Variants in FLNC observed in about 807,000 individuals in gnomAD.
FLNC encodes filamin-C.
FLNC carries 91 observed loss-of-function variants against 254.3 expected under a neutral mutation model. The observed-to-expected ratio is 0.36, with a 90% CI of 0.30 to 0.43. FLNC has a LOEUF of 0.43. Ranked by LOEUF, FLNC falls within the 20% of genes least tolerant of loss-of-function variation. FLNC has a pLI of 1.00. For synonymous variants in FLNC, 1,430 were observed against 1,577.2 expected, an observed-to-expected ratio of 0.91 and a Z score of 2.21; for missense variants, 2,853 against 3,802.6, an observed-to-expected ratio of 0.75 and a Z score of 6.57.
rs756083833 is a variant in FLNC at position 128,854,609 on chromosome 7, G to A, written c.6924G>A (p.Pro2308=). 6 of 1,611,330 alleles carry A rather than the reference G, an allele frequency of 3.7e-6. No individual in the cohort carries two copies. Among genetic ancestry groups the A allele is most frequent in the African/African-American group, 1.3e-5 (1 of 74,930 alleles). Residue 2308 remains proline, a synonymous_variant, in exon 41 of 48, where the codon CCG becomes CCA. Transcript: ENST00000325888. ...PGSPFQFTVG[P]LGEGGAHKVR... ...GCCCCTTTCAGTTCACTGTGGGGCC[G>A]CTGGGTGAAGGTGGTGCCCACAAGG...
In FLNC at chr7:128,837,999, C is replaced by G; in HGVS notation, c.982C>G (p.Pro328Ala). The G allele has an allele frequency of 6.2e-7, 1 of 1,613,898 alleles. No homozygotes were observed. The highest frequency in any genetic ancestry group is 8.5e-7 in the Non-Finnish European group (1 of 1,179,854). ...EGHTEEAKVV[P>A]NNDKDRTYAV... ...TCCTTCCTAATAGGCTAAGGTGGTT[C>G]CCAACAATGACAAGGATCGCACCTA... Residue 328 changes from proline (P) to alanine (A), a missense_variant, in exon 6 of 48, where the codon CCC (proline) becomes GCC (alanine). By Grantham distance (27) the Pro-to-Ala change is conservative (BLOSUM62 -1). Coordinates refer to ENST00000325888, the MANE Select transcript of FLNC (RefSeq NM_001458.5).
At chr7:128,852,069 T>A (rs1808842182) in intron 35 of FLNC, among the ~76,000 whole-genome samples, 1 of 152,164 alleles carries the variant, frequency 6.6e-6, no homozygotes, top group Non-Finnish European at 1.5e-5. Flanking sequence ...TTTCACCGTG[T>A]TAGCCAGGAT....
chr7:128,839,341 A>G (rs1022402175), intron 8 of FLNC, among the ~76,000 whole-genome samples: 5 of 152,024 alleles, frequency 3.3e-5, no homozygotes, highest in Admixed American at 2.6e-4. Flanking sequence ...GGTGATTTCT[A>G]TGATGAAATC....
At chr7:128,834,310 C>A in intron 1 of FLNC, among the ~76,000 whole-genome samples, 2 of 134,000 alleles carry the variant, frequency 1.5e-5, no homozygotes, top group South Asian at 4.8e-4. Flanking sequence ...GGGATCTAGG[C>A]GCCCCCCCCC....
Position 128,858,810 on chromosome 7 carries a change from G to C in FLNC, c.*287G>C, listed in dbSNP as rs1809183154. ...GCTGGGACACAAGGGGCTGGCGAGG[G>C]CTGCGAGGCCAGGGAAGCCCTGAGT... On this transcript the variant is annotated 3_prime_UTR_variant, in exon 48 of 48. Transcript: ENST00000325888. The surrounding 1 kb of genome is among the most constrained non-coding windows in gnomAD (Gnocchi z 6.7). 9 of 505,348 alleles carry C rather than the reference G, an allele frequency of 1.8e-5. No homozygotes were observed. In the East Asian group the frequency reaches 3.2e-4, roughly 18 times the overall value. 31.3% of individuals were successfully genotyped at this position (505,348 alleles called of 1,614,324 possible).
rs751708045 is a variant in FLNC, at chr7:128,840,086, A to C, written c.1475A>C (p.Lys492Thr). 6.2e-7 allele frequency: 1 copy of C among 1,614,166 alleles called. No homozygotes were observed. The highest frequency in any genetic ancestry group is 1.3e-5 in the African/African-American group (1 of 75,066). The change falls in exon 9 of 48, where the codon AAA becomes ACA. Residue 492 changes from lysine (K) to threonine (T), a missense_variant. Around this residue, in one of 10 missense-constraint regions of FLNC, gnomAD observed 1,573 missense variants for 1,883.5 expected, o/e 0.84. Coordinates refer to ENST00000325888, the MANE Select transcript of FLNC (RefSeq NM_001458.5). The stretch of plus-strand genomic sequence containing the variant: ...CTGCAGCCCAAGGGTGTTCGCGTGA[A>C]AGAGGTGGCTGACTTCAAGGTGTTT... Reference protein sequence around the residue: ...RGLQPKGVRVKEVADFKVFTK... With the variant: ...RGLQPKGVRVTEVADFKVFTK...
In FLNC at chr7:128,856,932, G is replaced by A; in HGVS notation, c.7561+11G>A. 6.2e-7 allele frequency: 1 copy of A among 1,612,866 alleles called. No homozygotes were observed. Among genetic ancestry groups the A allele is most frequent in the African/African-American group, 1.3e-5 (1 of 75,024 alleles). ...AGGGAGGCACTACCGGTGAGTGCCTGGAGCTGGGGAACAGGGTGACTTCTG... is the reference window on the plus strand; with the variant it reads ...AGGGAGGCACTACCGGTGAGTGCCTAGAGCTGGGGAACAGGGTGACTTCTG... On this transcript the variant is annotated intron_variant, in intron 45 of 47. Transcript: ENST00000325888. The surrounding 1 kb of genome is among the most constrained non-coding windows in gnomAD (Gnocchi z 5.9).
intron 26 of FLNC, 114 bp downstream of exon 26, chr7:128,848,182 C>T: frequency 7.5e-7 from 1 of 1,328,588 alleles, no homozygotes; most frequent in Non-Finnish European, 1.1e-6. Flanking sequence ...CAGCTCTCAG[C>T]CTCGTCCAGT....
rs979814571 is a variant in FLNC at position 128,857,075 on chromosome 7, A to G, written c.7562-43A>G. The G allele has an allele frequency of 6.3e-7, 1 of 1,597,858 alleles. No individual in the cohort carries two copies. The highest frequency in any genetic ancestry group is 1.1e-5 in the South Asian group (1 of 90,766). On this transcript the variant is annotated intron_variant, in intron 45 of 47. Transcript: ENST00000325888. The surrounding 1 kb of genome is among the most constrained non-coding windows in gnomAD (Gnocchi z 4.5). ...GCTGGGGCCCAGTCCCTCTTGGGCC[A>G]CAAGCCCTTCCTGCCCTCAGCCTTG...
intron 24 of FLNC, 140 bp downstream of exon 24, chr7:128,847,045 C>T (rs1475945128): frequency 1.3e-5 from 14 of 1,060,526 alleles, no homozygotes; most frequent in Middle Eastern, 2.8e-4. Context: ...GGCCGGAGCC[C>T]GGCCAGAGGG....
rs1016218211 is a variant in FLNC, at chr7:128,838,308, C to T, written c.1089C>T (p.Pro363=). The T allele has an allele frequency of 6.2e-6, 10 of 1,614,006 alleles. No individual in the cohort carries two copies. Among genetic ancestry groups the T allele is most frequent in the Non-Finnish European group, 8.5e-6 (10 of 1,180,020 alleles). The change falls in exon 7 of 48, where the codon CCC becomes CCT. Residue 363 remains proline, a synonymous_variant. Transcript: ENST00000325888. ...CTGGCCAGAACATTGAACGCAGTCCCTTTGAGGTGAACGTGGGCATGGCCC... is the reference window on the plus strand; with the variant it reads ...CTGGCCAGAACATTGAACGCAGTCCTTTTGAGGTGAACGTGGGCATGGCCC... The part of the protein sequence containing the change: ...LFAGQNIERS[P]FEVNVGMALG...
intron 24 of FLNC, 103 bp from the exon 25 acceptor site, chr7:128,847,594 T>G: frequency 7.5e-7 from 1 of 1,339,872 alleles, no homozygotes; most frequent in Non-Finnish European, 1.1e-6. Flanking sequence ...GGCTTCCCTG[T>G]GGGCATTTCA....
chr7:128,837,285 A>G (rs1336899667), intron 3 of FLNC, 28 bp downstream of exon 3: 1 of 1,507,360 alleles, frequency 6.6e-7, no homozygotes, highest in East Asian at 2.3e-5. Context: ...GCAGGGGGGA[A>G]AGGGGGCAGG....
Position 128,837,134 on chromosome 7 carries a change from A to G in FLNC, c.602-26A>G, listed in dbSNP as rs770350168. ...CCTGGCCGGCTGGCTGCCCCTCACC[A>G]TCGTCTCCCTCCATCACCTCTCCAG... On this transcript the variant is annotated intron_variant, in intron 2 of 47. Coordinates refer to ENST00000325888, the MANE Select transcript of FLNC (RefSeq NM_001458.5). 6.5e-6 allele frequency: 10 copies of G among 1,531,278 alleles called. No homozygotes were observed. In the African/African-American group the frequency reaches 6.8e-5, roughly 10 times the overall value. 94.9% of individuals were successfully genotyped at this position (1,531,278 alleles called of 1,614,324 possible).
Position 128,856,578 on chromosome 7 carries a change from G to A in FLNC, c.7312G>A (p.Gly2438Ser). The A allele has an allele frequency of 6.2e-7, 1 of 1,612,904 alleles. No homozygotes were observed. The highest frequency in any genetic ancestry group is 1.3e-5 in the African/African-American group (1 of 75,056). Residue 2438 changes from glycine (G) to serine (S), a missense_variant, in exon 44 of 48, where the codon GGC becomes AGC. Around this residue, in one of 10 missense-constraint regions of FLNC, gnomAD observed 47 missense variants for 40.3 expected, o/e 1.17. Coordinates refer to ENST00000325888, the MANE Select transcript of FLNC (RefSeq NM_001458.5). The surrounding 1 kb of genome is among the most constrained non-coding windows in gnomAD (Gnocchi z 5.9). ...SFAVQLNGARGVIDARVHTPS... is the reference protein window; with the variant it reads ...SFAVQLNGARSVIDARVHTPS... ...TGCCGTGCAGCTGAACGGTGCCCGG[G>A]GCGTGATTGATGCCCGGGTGCACAC... is the stretch of plus-strand genomic sequence containing the variant.
chr7:128,845,567 C>T (rs920850891), intron 21 of FLNC, among the ~76,000 whole-genome samples: 4 of 151,978 alleles, frequency 2.6e-5, no homozygotes, highest in Admixed American at 6.5e-5. Context: ...CTGCTCTGGA[C>T]GGGGGCACGG....
At chr7:128,849,866 T>A in intron 30 of FLNC, 110 bp from the exon 31 acceptor site, 1 of 870,828 alleles carries the variant, frequency 1.1e-6, no homozygotes, top group Non-Finnish European at 1.9e-6. Flanking sequence ...TGCAGGAGGA[T>A]GAACACCCAA....
intron 8 of FLNC, among the ~76,000 whole-genome samples, chr7:128,839,378 C>T (rs1382673193): frequency 1.3e-5 from 2 of 152,194 alleles, no homozygotes; most frequent in East Asian, 3.8e-4. Flanking sequence ...GCCTGTGTTC[C>T]GTGGTACCCC....
chr7:128,846,747 G>C lies in FLNC; in HGVS notation c.4130G>C (p.Gly1377Ala). ...KANRFTVETRGAGTGGLGLAI... is the reference protein window; with the variant it reads ...KANRFTVETRAAGTGGLGLAI... ...GATGGGGGGATGTTATCTCTCAGGG[G>C]AGCGGGCACCGGGGGCCTTGGCCTA... The change falls in exon 24 of 48, where the codon GGA becomes GCA. Residue 1377 changes from glycine to alanine, a missense_variant and splice_region_variant. Gly to Ala is a moderately conservative substitution (Grantham distance 60, BLOSUM62 0). Around this residue, in one of 10 missense-constraint regions of FLNC, gnomAD observed 1,573 missense variants for 1,883.5 expected, o/e 0.84. Transcript: ENST00000325888. The C allele has an allele frequency of 6.2e-7, 1 of 1,613,812 alleles. No individual in the cohort carries two copies. Among genetic ancestry groups the C allele is most frequent in the Non-Finnish European group, 8.5e-7 (1 of 1,179,924 alleles).
Sources: allele counts gnomAD v4.1 joint callset (sites outside exome capture counted in the v4.1 genomes callset), GRCh38; gene constraint gnomAD v4.1.1; regional missense constraint gnomAD v4.1.1; non-coding constraint Gnocchi (gnomAD v3.1); transcripts MANE v1.5; gene names NCBI Gene and HGNC (gene_info 2026-07-23, HGNC 2026-07-21).